Variants in CSMD1 observed in about 807,000 individuals in gnomAD.
CSMD1 encodes CUB and sushi domain-containing protein 1.
Under a neutral mutation model 417.5 loss-of-function variants are expected in CSMD1, and 213 were observed. The ratio of observed to expected loss-of-function variants is 0.51; its 90% CI spans 0.46 to 0.57. The LOEUF is 0.57. Ranked by LOEUF, CSMD1 falls within the 20% of genes least tolerant of loss-of-function variation. The pLI is 0.00. For missense variants in CSMD1, 6,923 were observed against 4,529.7 expected (o/e 1.53, Z -15.17); for synonymous variants, 2,862 against 1,736.8 (o/e 1.65, Z -16.11).
At chr8:4,338,173 T>C (rs764437529) in intron 3 of CSMD1, among the ~76,000 whole-genome samples, 8 of 152,238 alleles carry the variant, frequency 5.3e-5, no homozygotes, top group South Asian at 2.1e-4. Context: ...TACAAAAATA[T>C]TGGTACTAAT....
chr8:4,377,736 C>G (rs535185281), intron 3 of CSMD1, among the ~76,000 whole-genome samples: 33 of 152,266 alleles, frequency 2.2e-4, no homozygotes, highest in African/African-American at 7.9e-4. Context: ...TCTTACTCTG[C>G]CCATAACAAC....
intron 5 of CSMD1, among the ~76,000 whole-genome samples, chr8:3,777,715 A>G (rs1033568195): frequency 6.6e-6 from 1 of 152,166 alleles, no homozygotes; most frequent in African/African-American, 2.4e-5. Context: ...CTTCAGATGC[A>G]GAGTCTCAGG....
At chr8:2,949,870 G>A (rs747834992) in intron 67 of CSMD1, among the ~76,000 whole-genome samples, 1 of 152,126 alleles carries the variant, frequency 6.6e-6, no homozygotes, top group Admixed American at 6.6e-5. Context: ...ATCTGGGAAT[G>A]ATTTCTTTTA....
intron 3 of CSMD1, among the ~76,000 whole-genome samples, chr8:4,327,530 T>C (rs536414407): frequency 7.9e-5 from 12 of 152,286 alleles, no homozygotes; most frequent in African/African-American, 2.2e-4. Flanking sequence ...TGTGTCAGGC[T>C]GTTCCAGCTC....
chr8:3,626,623 C>T (rs1048630397), intron 7 of CSMD1, among the ~76,000 whole-genome samples: 1 of 151,350 alleles, frequency 6.6e-6, no homozygotes, highest in Non-Finnish European at 1.5e-5. Flanking sequence ...TGATGAGTCC[C>T]CACAGAAAGT....
rs117337783 is a variant in CSMD1 at position 3,166,583 on chromosome 8, C to T, written c.5726-4306G>A. 4.5e-3 allele frequency among the ~76,000 whole-genome samples: 680 copies of T among 152,088 alleles called. 14 individuals are homozygous for T. The South Asian group carries it at 0.048, about 11-fold the overall frequency. ...AGAGAATGCTAATCAACAAGTCTGC[C>T]TTTCCTGAAGTGTTTTAGAAGAACG... On this transcript the variant is annotated intron_variant, in intron 37 of 69. Coordinates refer to ENST00000635120, the MANE Select transcript of CSMD1 (RefSeq NM_033225.6).
intron 3 of CSMD1, among the ~76,000 whole-genome samples, chr8:4,088,128 TGAG>T (rs557401799): frequency 1.8e-4 from 27 of 152,334 alleles, no homozygotes; most frequent in Middle Eastern, 3.4e-3. Flanking sequence ...AGTGGGGCTG[TGAG>T]GAGGACACTG....
intron 52 of CSMD1, among the ~76,000 whole-genome samples, chr8:3,003,473 T>C (rs776240924): frequency 6.6e-6 from 1 of 152,186 alleles, no homozygotes; most frequent in Non-Finnish European, 1.5e-5. Flanking sequence ...ACACACTGAG[T>C]ACTTGTTGAA....
At chr8:4,194,089 G>C (rs139564400) in intron 3 of CSMD1, among the ~76,000 whole-genome samples, 113 of 152,108 alleles carry the variant, frequency 7.4e-4, no homozygotes, top group African/African-American at 2.7e-3. Context: ...TCAATCTACT[G>C]TAAATGTTAT....
At chr8:3,458,626 C>G (rs1563058427) in intron 12 of CSMD1, among the ~76,000 whole-genome samples, 2 of 152,168 alleles carry the variant, frequency 1.3e-5, no homozygotes, top group African/African-American at 4.8e-5. Context: ...CAACGGAACG[C>G]TAGTTGGCCT....
intron 51 of CSMD1, among the ~76,000 whole-genome samples, chr8:3,028,323 G>T (rs768267891): frequency 6.6e-6 from 1 of 152,124 alleles, no homozygotes; most frequent in Non-Finnish European, 1.5e-5. Context: ...CAAGAATGTC[G>T]GGAAGGGGGG....
intron 1 of CSMD1, among the ~76,000 whole-genome samples, chr8:4,721,457 T>G (rs891919417): frequency 2.0e-5 from 3 of 152,314 alleles, no homozygotes; most frequent in African/African-American, 7.2e-5. Context: ...CAAACTATTC[T>G]GGAAGATGCT....
intron 10 of CSMD1, among the ~76,000 whole-genome samples, chr8:3,531,809 A>C (rs10098409): frequency 0.013 from 1,948 of 152,326 alleles, 37 homozygotes; most frequent in African/African-American, 0.044. Context: ...AAGCTTACAC[A>C]GGGGGATGCC....
chr8:4,429,490 C>G (rs1797750369), intron 2 of CSMD1, among the ~76,000 whole-genome samples: 3 of 152,040 alleles, frequency 2.0e-5, no homozygotes, highest in African/African-American at 2.4e-5. Flanking sequence ...AATTGGGAAA[C>G]AGATTAGCTT....
intron 5 of CSMD1, among the ~76,000 whole-genome samples, chr8:3,766,652 CTGA>C (rs1208013341): frequency 1.3e-5 from 2 of 151,802 alleles, no homozygotes; most frequent in Non-Finnish European, 2.9e-5. Context: ...TACTCAAAGA[CTGA>C]TAATAAAGAA....
chr8:3,994,292 A>G (rs1268421450), intron 5 of CSMD1, among the ~76,000 whole-genome samples: 1 of 152,084 alleles, frequency 6.6e-6, no homozygotes, highest in Non-Finnish European at 1.5e-5. Context: ...ATGCTCCCTC[A>G]GTGTTCCCAG....
rs1481784092 is a variant in CSMD1, at chr8:3,796,009, T to C, written c.819-41967A>G. ...TATAGATATATATCTATCATGTATA[T>C]AGATATATATCATGTATAGATATAG... On this transcript the variant is annotated intron_variant, in intron 5 of 69. Coordinates refer to ENST00000635120, the MANE Select transcript of CSMD1 (RefSeq NM_033225.6). Among the ~76,000 whole-genome samples, 3 of 62,644 alleles carry C rather than the reference T, an allele frequency of 4.8e-5. 1 individual carries two copies. The highest frequency in any genetic ancestry group is 1.1e-4 in the Non-Finnish European group (3 of 27,824). The allele number at this position is 62,644 out of a possible 152,430, so 41.1% of individuals were successfully genotyped here.
At chr8:4,534,222 G>C (rs1005257945) in intron 2 of CSMD1, among the ~76,000 whole-genome samples, 1 of 152,136 alleles carries the variant, frequency 6.6e-6, no homozygotes, top group Non-Finnish European at 1.5e-5. Context: ...ATCTCAGAAA[G>C]AAATACCTTC....
At chr8:3,916,701 G>A (rs1021887264) in intron 5 of CSMD1, among the ~76,000 whole-genome samples, 2 of 152,112 alleles carry the variant, frequency 1.3e-5, no homozygotes, top group Admixed American at 6.6e-5. Context: ...TCCTACTACA[G>A]TCATCACAAG....
Sources: gnomAD v4.1 joint callset for allele counts (sites outside exome capture counted in the v4.1 genomes callset) on GRCh38, gnomAD v4.1.1 for gene constraint, MANE v1.5 for transcripts, NCBI Gene and HGNC (gene_info 2026-07-23, HGNC 2026-07-21) for gene names.